Variants in AK9 observed in about 807,000 individuals in gnomAD.
The protein encoded by AK9 is adenylate kinase domain containing 1.
In AK9, 191 loss-of-function variants were observed where a neutral mutation model predicts 239.6. The observed-to-expected ratio is 0.80, with a 90% CI of 0.71 to 0.90. The LOEUF is 0.90. Ranked by LOEUF, AK9 falls within the 40% of genes least tolerant of loss-of-function variation. The probability of loss-of-function intolerance (pLI) is 0.00; values close to 1 mark genes in which losing one functional copy is unlikely to be tolerated. For missense variants in AK9, 1,995 were observed against 2,214.7 expected, an observed-to-expected ratio of 0.90 and a Z score of 1.99; for synonymous variants, 689 against 721.0, an observed-to-expected ratio of 0.96 and a Z score of 0.71.
chr6:109,657,309 T>C lies in AK9; in HGVS notation c.631-425A>G, dbSNP rs147768699. 3.7e-4 allele frequency among the ~76,000 whole-genome samples: 56 copies of C among 152,258 alleles called. No individual in the cohort carries two copies. The East Asian group carries it at 4.2e-3, about 12-fold the overall frequency. On this transcript the variant is annotated intron_variant, in intron 7 of 40. Transcript: ENST00000424296. ...AAAACCAACTAACACCCTGGGCTCA[T>C]AGCACTCACACACATTGCAGTTGAG... is the stretch of plus-strand genomic sequence containing the variant.
intron 35 of AK9, 117 bp from the exon 36 acceptor site, chr6:109,499,357 A>G: frequency 1.3e-6 from 1 of 788,204 alleles, no homozygotes; most frequent in Non-Finnish European, 1.7e-6. Context: ...ATAAAATTCC[A>G]AACAATAGAG....
At chr6:109,635,426 G>A (rs930598371) in intron 10 of AK9, among the ~76,000 whole-genome samples, 1 of 152,148 alleles carries the variant, frequency 6.6e-6, no homozygotes, top group Admixed American at 6.5e-5. Context: ...CAGTGTAACT[G>A]GTTGGAAATC....
At chr6:109,598,523 G>A (rs926088243) in intron 17 of AK9, among the ~76,000 whole-genome samples, 14 of 152,100 alleles carry the variant, frequency 9.2e-5, no homozygotes, top group South Asian at 2.1e-4. Flanking sequence ...GAATAGTGCC[G>A]CAATAAATCT....
intron 29 of AK9, among the ~76,000 whole-genome samples, chr6:109,524,681 C>T (rs1053916807): frequency 3.3e-5 from 5 of 152,238 alleles, no homozygotes; most frequent in African/African-American, 1.2e-4. Context: ...ACAAGGCTTA[C>T]TTTCCTATTA....
chr6:109,559,167 G>GTTTTTTTT (rs79796830), intron 24 of AK9, among the ~76,000 whole-genome samples: 2 of 145,304 alleles, frequency 1.4e-5, no homozygotes, highest in African/African-American at 2.5e-5. Context: ...ATATCTATCT[G>GTTTTTTTT]TTTTTTTTTT....
chr6:109,540,570 C>T (rs972440610), intron 27 of AK9, among the ~76,000 whole-genome samples: 2 of 152,176 alleles, frequency 1.3e-5, no homozygotes, highest in African/African-American at 4.8e-5. Flanking sequence ...TGATGACTTG[C>T]CCTGCTTTGG....
chr6:109,665,428 C>T (rs1801046987), intron 5 of AK9, among the ~76,000 whole-genome samples: 1 of 151,916 alleles, frequency 6.6e-6, no homozygotes, highest in South Asian at 2.1e-4. Context: ...CCTGCACTGT[C>T]TCAAGAAATG....
Position 109,546,140 on chromosome 6 carries a change from G to T in AK9, c.2965-13C>A. 2 of 1,528,954 alleles carry T rather than the reference G, an allele frequency of 1.3e-6. No homozygotes were observed. Among genetic ancestry groups the T allele is most frequent in the Admixed American group, 1.8e-5 (1 of 54,116 alleles). The allele number at this position is 1,528,954 out of a possible 1,614,324, so 94.7% of individuals were successfully genotyped here. A position where few individuals can be genotyped will look rare whatever the true frequency, so the allele number is the denominator to read the frequency against. ...TTAATGGAGGAGCCTGTCACAGGGG[G>T]TGGGTCAGGGAGGGGTGGGATAAAG... is the stretch of plus-strand genomic sequence containing the variant. On this transcript the variant is annotated splice_polypyrimidine_tract_variant and intron_variant, in intron 25 of 40. Transcript: ENST00000424296.
chr6:109,528,320 G>C (rs1239748009), intron 29 of AK9: 11 of 354,630 alleles, frequency 3.1e-5, no homozygotes, highest in Non-Finnish European at 6.1e-5. Context: ...TGTTTGATGA[G>C]AGAAATGAGC....
At chr6:109,558,922 G>A (rs1345188742) in intron 24 of AK9, among the ~76,000 whole-genome samples, 3 of 151,480 alleles carry the variant, frequency 2.0e-5, no homozygotes, top group South Asian at 2.1e-4. Context: ...GGGGTGCGGT[G>A]GCACAATCTT....
chr6:109,627,130 A>G (rs940376391), intron 12 of AK9, among the ~76,000 whole-genome samples: 2 of 138,972 alleles, frequency 1.4e-5, no homozygotes, highest in Non-Finnish European at 3.0e-5. Context: ...TTCGATGTTT[A>G]AGCTTTTTTT....
intron 1 of AK9, among the ~76,000 whole-genome samples, chr6:109,682,472 A>T (rs2128355047): frequency 6.6e-6 from 1 of 150,732 alleles, no homozygotes; most frequent in Non-Finnish European, 1.5e-5. Context: ...TGGTTTTTTG[A>T]AAAGATCAAC....
chr6:109,505,825 A>G (rs1332815888), intron 35 of AK9, among the ~76,000 whole-genome samples: 2 of 152,220 alleles, frequency 1.3e-5, no homozygotes, highest in Non-Finnish European at 1.5e-5. Context: ...TGGCTGCTAT[A>G]ACCAAATGCT....
intron 5 of AK9, among the ~76,000 whole-genome samples, chr6:109,668,543 A>G (rs1382804756): frequency 6.7e-6 from 1 of 150,366 alleles, no homozygotes; most frequent in East Asian, 2.0e-4. Context: ...CTAACATTTA[A>G]GTCTTTAATC....
intron 12 of AK9, among the ~76,000 whole-genome samples, chr6:109,619,750 T>C (rs1363821960): frequency 6.6e-6 from 1 of 152,086 alleles, no homozygotes; most frequent in East Asian, 1.9e-4. Context: ...AAGAGCAGCC[T>C]GAACTTTTAC....
intron 1 of AK9, among the ~76,000 whole-genome samples, chr6:109,683,406 A>C (rs1352146949): frequency 2.6e-5 from 4 of 152,218 alleles, no homozygotes; most frequent in Non-Finnish European, 5.9e-5. Flanking sequence ...CAGGGCAATC[A>C]GGCAAGAGAA....
chr6:109,633,416 T>A, intron 10 of AK9, 93 bp from the exon 11 acceptor site: 1 of 1,313,132 alleles, frequency 7.6e-7, no homozygotes, highest in Non-Finnish European at 1.0e-6. Flanking sequence ...TATAGTGCTT[T>A]ACTATTTAAG....
intron 35 of AK9, among the ~76,000 whole-genome samples, chr6:109,503,861 C>A (rs1477508281): frequency 6.6e-6 from 1 of 152,126 alleles, no homozygotes; most frequent in Non-Finnish European, 1.5e-5. Flanking sequence ...CAGGCTGATG[C>A]GAGGGTGGAG....
intron 1 of AK9, among the ~76,000 whole-genome samples, chr6:109,689,563 A>G (rs1168186663): frequency 1.3e-5 from 2 of 152,214 alleles, no homozygotes; most frequent in East Asian, 3.8e-4. Flanking sequence ...TTGCCCCTCA[A>G]GAGGGGATAA....
Sources: gnomAD v4.1 joint callset for allele counts (sites outside exome capture counted in the v4.1 genomes callset) on GRCh38, gnomAD v4.1.1 for gene constraint, MANE v1.5 for transcripts, NCBI Gene and HGNC (gene_info 2026-07-23, HGNC 2026-07-21) for gene names.